The following NKAIN2 variants were observed in gnomAD, a reference collection of about 807,000 sequenced individuals.
NKAIN2 encodes the protein sodium/potassium-transporting ATPase subunit beta-1-interacting protein 2.
NKAIN2 carries 14 observed loss-of-function variants against 32.6 expected under a neutral mutation model. The observed-to-expected ratio is 0.43, with a 90% CI of 0.28 to 0.67. The LOEUF is 0.67. Ranked by LOEUF, NKAIN2 falls within the 30% of genes least tolerant of loss-of-function variation. The probability of loss-of-function intolerance (pLI) is 0.17; values close to 1 mark genes in which losing one functional copy is unlikely to be tolerated. For synonymous variants in NKAIN2, 80 were observed against 87.2 expected (o/e 0.92, Z 0.46); for missense variants, 198 against 258.3 (o/e 0.77, Z 1.60).
intron 3 of NKAIN2, among the ~76,000 whole-genome samples, chr6:124,394,516 A>T (rs1773289244): frequency 6.6e-6 from 1 of 151,996 alleles, no homozygotes; most frequent in Non-Finnish European, 1.5e-5. Flanking sequence ...GATTAGATAG[A>T]TACAGACAGA....
chr6:124,285,899 A>G (rs374171311), intron 2 of NKAIN2, among the ~76,000 whole-genome samples: 4 of 150,990 alleles, frequency 2.6e-5, no homozygotes, highest in Admixed American at 6.6e-5. Flanking sequence ...TATTAAAGGA[A>G]ATCATAAGGA....
At chr6:124,427,540 C>T (rs9491175) in intron 3 of NKAIN2, among the ~76,000 whole-genome samples, 19,512 of 152,150 alleles carry the variant, frequency 0.13, 1,962 homozygotes, top group African/African-American at 0.28. Context: ...ATCTCATTCT[C>T]TTATGCCACT....
intron 1 of NKAIN2, among the ~76,000 whole-genome samples, chr6:123,988,548 C>T (rs770792365): frequency 5.1e-4 from 78 of 152,164 alleles, no homozygotes; most frequent in Non-Finnish European, 1.0e-3. Flanking sequence ...CCTCTTAAAG[C>T]TGTAAAACTA....
At chr6:124,319,038 C>G (rs1210226550) in intron 2 of NKAIN2, among the ~76,000 whole-genome samples, 4 of 152,038 alleles carry the variant, frequency 2.6e-5, no homozygotes, top group Non-Finnish European at 5.9e-5. Context: ...CAGGTGGTTT[C>G]TGGGCTATAG....
intron 1 of NKAIN2, among the ~76,000 whole-genome samples, chr6:123,892,508 G>T (rs1046131093): frequency 1.3e-5 from 2 of 150,554 alleles, no homozygotes; most frequent in African/African-American, 4.9e-5. Flanking sequence ...ACAGCATGGG[G>T]GAAACCACCC....
At chr6:124,814,124 G>A (rs1217430933) in intron 5 of NKAIN2, among the ~76,000 whole-genome samples, 1 of 152,112 alleles carries the variant, frequency 6.6e-6, no homozygotes, top group Non-Finnish European at 1.5e-5. Flanking sequence ...TTCCATATGT[G>A]GTTGAAGAAC....
intron 3 of NKAIN2, among the ~76,000 whole-genome samples, chr6:124,397,348 C>T (rs1199806667): frequency 6.6e-6 from 1 of 151,914 alleles, no homozygotes; most frequent in East Asian, 1.9e-4. Flanking sequence ...GAATTCAATT[C>T]AAACATATTC....
At chr6:124,588,068 G>T (rs940577159) in intron 3 of NKAIN2, among the ~76,000 whole-genome samples, 12 of 152,082 alleles carry the variant, frequency 7.9e-5, no homozygotes. Context: ...GATGATATAG[G>T]TTCCGCTGCA....
chr6:124,753,955 A>G (rs1388209105), intron 4 of NKAIN2, among the ~76,000 whole-genome samples: 1 of 152,102 alleles, frequency 6.6e-6, no homozygotes, highest in Non-Finnish European at 1.5e-5. Flanking sequence ...ATAGGCTGCA[A>G]AAGACAATCT....
At chr6:124,122,144 G>A in intron 1 of NKAIN2, among the ~76,000 whole-genome samples, 1 of 151,766 alleles carries the variant, frequency 6.6e-6, no homozygotes, top group East Asian at 1.9e-4. Context: ...GGAAAATGTT[G>A]GTACAAAATA....
intron 4 of NKAIN2, among the ~76,000 whole-genome samples, chr6:124,672,199 C>G (rs961452746): frequency 2.6e-5 from 4 of 151,932 alleles, no homozygotes; most frequent in African/African-American, 9.7e-5. Context: ...AATGATGCCT[C>G]CAGATAACAG....
chr6:124,810,512 T>C lies in NKAIN2; in HGVS notation c.536-7875T>C, dbSNP rs573892263. ...GTGGGGGGAGCGGGAAGGGATAGCATTGGGAGATATACCTAATGCTAGATG... is the reference window on the plus strand; with the variant it reads ...GTGGGGGGAGCGGGAAGGGATAGCACTGGGAGATATACCTAATGCTAGATG... On this transcript the variant is annotated intron_variant, in intron 5 of 6. Transcript: ENST00000368417. Among the ~76,000 whole-genome samples the C allele has an allele frequency of 5.3e-5, 8 of 152,118 alleles. No homozygotes were observed. In the East Asian group the frequency reaches 7.7e-4, roughly 15 times the overall value.
intron 3 of NKAIN2, among the ~76,000 whole-genome samples, chr6:124,364,514 G>A (rs1799435430): frequency 6.6e-6 from 1 of 151,904 alleles, no homozygotes; most frequent in Non-Finnish European, 1.5e-5. Context: ...TATAAGAGGT[G>A]CCAAAGATAA....
chr6:124,679,864 C>T (rs1002042263), intron 4 of NKAIN2, among the ~76,000 whole-genome samples: 2 of 152,004 alleles, frequency 1.3e-5, no homozygotes, highest in African/African-American at 4.8e-5. Flanking sequence ...AAGTAGTGAC[C>T]ATTCAGGATT....
intron 3 of NKAIN2, among the ~76,000 whole-genome samples, chr6:124,441,050 T>C (rs1179000784): frequency 6.6e-6 from 1 of 152,142 alleles, no homozygotes; most frequent in Non-Finnish European, 1.5e-5. Flanking sequence ...ACTTGGATAA[T>C]TGTGTCTTAA....
intron 4 of NKAIN2, among the ~76,000 whole-genome samples, chr6:124,731,334 G>T (rs1776654960): frequency 6.6e-6 from 1 of 151,568 alleles, no homozygotes; most frequent in African/African-American, 2.4e-5. Flanking sequence ...ATGATAGACT[G>T]GATTAAGAAA....
chr6:124,665,435 A>C (rs1772743667), intron 4 of NKAIN2, among the ~76,000 whole-genome samples: 1 of 152,344 alleles, frequency 6.6e-6, no homozygotes, highest in African/African-American at 2.4e-5. Flanking sequence ...AAATGTACAT[A>C]GTTTTCAAGT....
At chr6:124,625,466 T>G (rs935140018) in intron 3 of NKAIN2, among the ~76,000 whole-genome samples, 1 of 152,158 alleles carries the variant, frequency 6.6e-6, no homozygotes, top group Non-Finnish European at 1.5e-5. Flanking sequence ...TGGGAAATCA[T>G]AGTCCTTTGT....
At chr6:124,132,958 G>A (rs1182408582) in intron 1 of NKAIN2, among the ~76,000 whole-genome samples, 1 of 152,228 alleles carries the variant, frequency 6.6e-6, no homozygotes, top group Non-Finnish European at 1.5e-5. Context: ...AATCTGAACA[G>A]TGGGCCTCAA....
Sources: allele counts gnomAD v4.1 joint callset (sites outside exome capture counted in the v4.1 genomes callset), GRCh38; gene constraint gnomAD v4.1.1; transcripts MANE v1.5; gene names NCBI Gene and HGNC (gene_info 2026-07-23, HGNC 2026-07-21).